KCNMA1: variants seen among roughly 807,000 people sequenced by gnomAD.
KCNMA1 encodes the protein potassium calcium-activated channel subfamily M alpha 1.
A neutral mutation model predicts 140.0 loss-of-function variants in KCNMA1; 29 were observed. The observed-to-expected ratio is 0.21, with a 90% CI of 0.15 to 0.28. The LOEUF (loss-of-function observed/expected upper bound fraction) is 0.28, where lower values mean the gene tolerates loss of function less well. KCNMA1 is among the 10% of genes least tolerant of loss of function. The pLI is 1.00. For missense variants in KCNMA1, 880 were observed against 1,602.2 expected (o/e 0.55, Z 7.70); for synonymous variants, 612 against 611.9 (o/e 1.00, Z 0.00).
At chr10:77,359,904 G>A (rs894392809) in intron 2 of KCNMA1, among the ~76,000 whole-genome samples, 5 of 152,280 alleles carry the variant, frequency 3.3e-5, no homozygotes, top group East Asian at 3.9e-4. Flanking sequence ...GTGGACATTC[G>A]CTGAAAGAAC....
intron 23 of KCNMA1, among the ~76,000 whole-genome samples, chr10:76,927,208 A>G (rs2057982944): frequency 6.6e-6 from 1 of 152,116 alleles, no homozygotes; most frequent in Non-Finnish European, 1.5e-5. Context: ...GATTTTTTTG[A>G]TTCAGTTTTA....
At chr10:77,061,023 C>T (rs2095724770) in intron 14 of KCNMA1, among the ~76,000 whole-genome samples, 1 of 152,118 alleles carries the variant, frequency 6.6e-6, no homozygotes, top group South Asian at 2.1e-4. Flanking sequence ...AGGAAAAAAA[C>T]TTGTGATATT....
At chr10:76,881,107 A>T (rs1253724119), downstream of KCNMA1, among the ~76,000 whole-genome samples, 1 of 152,138 alleles carries the variant, frequency 6.6e-6, no homozygotes, top group Non-Finnish European at 1.5e-5. Context: ...ATGCTGGTAG[A>T]GCAATTGCCA....
chr10:76,948,133 T>C (rs1447041180), intron 22 of KCNMA1, among the ~76,000 whole-genome samples: 2 of 152,150 alleles, frequency 1.3e-5, no homozygotes, highest in Non-Finnish European at 2.9e-5. Flanking sequence ...GCCTCTCAAG[T>C]AGCTGGAACT....
chr10:77,479,755 C>T (rs1038061893), intron 1 of KCNMA1, among the ~76,000 whole-genome samples: 4 of 152,206 alleles, frequency 2.6e-5, no homozygotes, highest in Non-Finnish European at 4.4e-5. Context: ...TCCTCCAGAT[C>T]TTTGCAGCAC....
chr10:76,990,368 G>A (rs2082388777), intron 19 of KCNMA1, among the ~76,000 whole-genome samples: 1 of 152,176 alleles, frequency 6.6e-6, no homozygotes, highest in Non-Finnish European at 1.5e-5. Context: ...AGAATTTCAG[G>A]CTGTAATTGC....
intron 1 of KCNMA1, among the ~76,000 whole-genome samples, chr10:77,419,274 C>T (rs778703145): frequency 5.3e-5 from 8 of 152,190 alleles, no homozygotes; most frequent in Non-Finnish European, 1.0e-4. Context: ...CCTGCCAGAG[C>T]GCTGCAGGCA....
intron 22 of KCNMA1, 181 bp downstream of exon 22, chr10:76,948,961 A>G: frequency 1.5e-6 from 1 of 667,078 alleles, no homozygotes; most frequent in Non-Finnish European, 2.7e-6. Flanking sequence ...ATTCCTTTTA[A>G]TAAGGTCTCC....
intron 1 of KCNMA1, among the ~76,000 whole-genome samples, chr10:77,630,536 G>C (rs1468306028): frequency 2.0e-5 from 3 of 152,098 alleles, no homozygotes; most frequent in Non-Finnish European, 1.5e-5. Context: ...TCTGAAAGGA[G>C]TTTTCTCCAC....
At chr10:77,386,027 G>A (rs2095589824) in intron 2 of KCNMA1, among the ~76,000 whole-genome samples, 1 of 152,180 alleles carries the variant, frequency 6.6e-6, no homozygotes, top group African/African-American at 2.4e-5. Flanking sequence ...GATGTAATAT[G>A]TCTCCCCGAG....
chr10:77,033,123 C>G (rs2094059897), intron 15 of KCNMA1, among the ~76,000 whole-genome samples: 1 of 152,084 alleles, frequency 6.6e-6, no homozygotes. Context: ...TTGGCACATG[C>G]AATTGAAGTA....
intron 5 of KCNMA1, among the ~76,000 whole-genome samples, chr10:77,173,183 G>A (rs1285348067): frequency 6.6e-6 from 1 of 152,180 alleles, no homozygotes; most frequent in Non-Finnish European, 1.5e-5. Flanking sequence ...TATAGAATGG[G>A]TCAAGAAGCT....
At chr10:76,974,388 G>A in intron 19 of KCNMA1, 2 of 699,338 alleles carry the variant, frequency 2.9e-6, no homozygotes, top group South Asian at 3.7e-5. Flanking sequence ...CCACAGTAGT[G>A]CATCGCTCTT....
chr10:77,128,619 A>G lies in KCNMA1; in HGVS notation c.809-7571T>C, dbSNP rs148288430. ...TGATTCTAATGAGCCATCCAGGTTA[A>G]GAAGCATTGCAAACTTTTTCTATAA... On this transcript the variant is annotated intron_variant, in intron 5 of 27. Coordinates refer to ENST00000286628, the MANE Select transcript of KCNMA1 (RefSeq NM_001161352.2). Among the ~76,000 whole-genome samples the G allele has an allele frequency of 4.3e-3, 655 of 152,270 alleles. 6 individuals carry two copies. The highest frequency in any genetic ancestry group is 0.015 in the African/African-American group (616 of 41,544).
intron 1 of KCNMA1, among the ~76,000 whole-genome samples, chr10:77,620,821 A>T (rs1159765994): frequency 6.6e-6 from 1 of 152,232 alleles, no homozygotes; most frequent in Non-Finnish European, 1.5e-5. Flanking sequence ...GGTTTTACAC[A>T]AACACAGCTA....
rs1457055526 is a variant in KCNMA1 at position 77,151,156 on chromosome 10, T to G, written c.809-30108A>C. ...CCTTTCTTTCTTCTTTCTTTCTTTC[T>G]TTTCTTTTCTTTCTTTCTTTCCTTT... On this transcript the variant is annotated intron_variant, in intron 5 of 27. Coordinates refer to ENST00000286628, the MANE Select transcript of KCNMA1 (RefSeq NM_001161352.2). 7.2e-3 allele frequency among the ~76,000 whole-genome samples: 1,092 copies of G among 150,724 alleles called. 13 individuals carry two copies. The highest frequency in any genetic ancestry group is 0.026 in the African/African-American group (1,040 of 40,570).
intron 11 of KCNMA1, among the ~76,000 whole-genome samples, chr10:77,085,692 T>G (rs1430990421): frequency 6.6e-6 from 1 of 152,204 alleles, no homozygotes; most frequent in Non-Finnish European, 1.5e-5. Context: ...AAGAAAGAAT[T>G]TATCCAAATC....
intron 1 of KCNMA1, among the ~76,000 whole-genome samples, chr10:77,613,573 CG>C (rs141344423): frequency 0.019 from 2,888 of 152,274 alleles, 92 homozygotes; most frequent in African/African-American, 0.066. Flanking sequence ...CTGGTGTACA[CG>C]GAGGGGTTAA....
chr10:77,213,219 C>T (rs1269622339), intron 3 of KCNMA1, among the ~76,000 whole-genome samples: 1 of 152,192 alleles, frequency 6.6e-6, no homozygotes, highest in East Asian at 1.9e-4. Flanking sequence ...GCAAAAACGG[C>T]TCTAACCCTG....
Sources: gnomAD v4.1 joint callset for allele counts (sites outside exome capture counted in the v4.1 genomes callset) on GRCh38, gnomAD v4.1.1 for gene constraint, MANE v1.5 for transcripts, NCBI Gene and HGNC (gene_info 2026-07-23, HGNC 2026-07-21) for gene names.